CDH13: variants seen among roughly 807,000 people sequenced by gnomAD.
CDH13 encodes the protein cadherin-13.
In CDH13, 24 loss-of-function variants were observed where a neutral mutation model predicts 63.8. That is an observed-to-expected ratio of 0.38 (90% CI 0.27 to 0.53). The LOEUF (loss-of-function observed/expected upper bound fraction) is 0.53. CDH13 is among the 20% of genes least tolerant of loss of function. The pLI, the probability that CDH13 is intolerant of heterozygous loss-of-function variation, is 0.85. For missense variants in CDH13, 1,049 were observed against 903.1 expected, an observed-to-expected ratio of 1.16 and a Z score of -2.07; for synonymous variants, 503 against 355.3, an observed-to-expected ratio of 1.42 and a Z score of -4.67.
intron 7 of CDH13, among the ~76,000 whole-genome samples, chr16:83,547,728 C>G (rs1180683508): frequency 1.3e-5 from 2 of 152,136 alleles, no homozygotes; most frequent in African/African-American, 4.8e-5. Context: ...GCTTCCATGT[C>G]TTTGCTATAG....
At chr16:82,955,655 G>A (rs1019670007) in intron 2 of CDH13, among the ~76,000 whole-genome samples, 1 of 152,104 alleles carries the variant, frequency 6.6e-6, no homozygotes, top group Non-Finnish European at 1.5e-5. Flanking sequence ...ATACAGTGGG[G>A]GGACAAAAAC....
At position 83,586,063 on chromosome 16, in the gene CDH13, T is replaced by C. The variant is rs549796866; in HGVS notation, c.961-16391T>C. ...CAACTAAGGTAACCCACCTAAAGGG[T>C]TGAATACTATTTCCAACATGTAGTA... is the stretch of plus-strand genomic sequence containing the variant. On this transcript the variant is annotated intron_variant, in intron 7 of 13. Coordinates refer to ENST00000567109, the MANE Select transcript of CDH13 (RefSeq NM_001257.5). 7.2e-5 allele frequency among the ~76,000 whole-genome samples: 11 copies of C among 152,192 alleles called. No individual in the cohort carries two copies. In the South Asian group the frequency reaches 1.0e-3, roughly 14 times the overall value.
intron 5 of CDH13, among the ~76,000 whole-genome samples, chr16:83,284,202 C>A (rs944698425): frequency 6.6e-6 from 1 of 152,012 alleles, no homozygotes; most frequent in South Asian, 2.1e-4. Flanking sequence ...TGGTAAACAC[C>A]CTCTCTTTCG....
intron 1 of CDH13, among the ~76,000 whole-genome samples, chr16:82,845,323 C>G (rs559648947): frequency 6.6e-6 from 1 of 152,202 alleles, no homozygotes; most frequent in Non-Finnish European, 1.5e-5. Flanking sequence ...ATTAACTCCC[C>G]CTCCTTTCCC....
At chr16:83,024,878 T>G (rs1000129290) in intron 2 of CDH13, among the ~76,000 whole-genome samples, 1 of 152,184 alleles carries the variant, frequency 6.6e-6, no homozygotes, top group Non-Finnish European at 1.5e-5. Flanking sequence ...ACGTAGGGCT[T>G]CACCAAAACA....
intron 1 of CDH13, among the ~76,000 whole-genome samples, chr16:82,757,642 T>G (rs919797789): frequency 1.7e-4 from 16 of 96,932 alleles, no homozygotes; most frequent in Middle Eastern, 0.011. Flanking sequence ...CATAGCTTTT[T>G]TTTTGTTTTT....
At chr16:82,922,240 G>A (rs1452057803) in intron 2 of CDH13, among the ~76,000 whole-genome samples, 1 of 152,034 alleles carries the variant, frequency 6.6e-6, no homozygotes, top group African/African-American at 2.4e-5. Flanking sequence ...TTTCTCTGAT[G>A]CATTTGTACC....
chr16:83,154,863 G>A lies in CDH13; in HGVS notation c.483+29362G>A, dbSNP rs1449220940. Among the ~76,000 whole-genome samples, 3 of 152,112 alleles carry A rather than the reference G, an allele frequency of 2.0e-5. 1 individual carries two copies. Among genetic ancestry groups the A allele is most frequent in the Non-Finnish European group, 2.9e-5 (2 of 68,014 alleles). On this transcript the variant is annotated intron_variant, in intron 4 of 13. Transcript: ENST00000567109. ...TGATGTTATTTCAACCGGTTTTTCTGTAGCAAAAATCTTTAAAAGCTCTCA... is the reference window on the plus strand; with the variant it reads ...TGATGTTATTTCAACCGGTTTTTCTATAGCAAAAATCTTTAAAAGCTCTCA...
intron 3 of CDH13, among the ~76,000 whole-genome samples, chr16:83,040,537 T>A (rs949444435): frequency 1.3e-5 from 2 of 152,146 alleles, no homozygotes; most frequent in Admixed American, 6.5e-5. Flanking sequence ...CCAGGAAGCA[T>A]CCAACATGGG....
At chr16:83,085,458 A>C (rs1209054868) in intron 3 of CDH13, among the ~76,000 whole-genome samples, 1 of 152,150 alleles carries the variant, frequency 6.6e-6, no homozygotes, top group Admixed American at 6.5e-5. Flanking sequence ...ATGTCTAGCT[A>C]TCATGTCAGC....
intron 10 of CDH13, among the ~76,000 whole-genome samples, chr16:83,739,582 C>T (rs1325857631): frequency 6.6e-6 from 1 of 151,968 alleles, no homozygotes; most frequent in Non-Finnish European, 1.5e-5. Flanking sequence ...TAACTAAGCC[C>T]CCTTTGACAG....
At chr16:82,792,472 C>T (rs560942990) in intron 1 of CDH13, among the ~76,000 whole-genome samples, 109 of 152,288 alleles carry the variant, frequency 7.2e-4, no homozygotes, top group African/African-American at 2.5e-3. Context: ...TCCCAATACA[C>T]AATTCAGTAC....
At chr16:83,578,208 G>A (rs1341189678) in intron 7 of CDH13, among the ~76,000 whole-genome samples, 3 of 152,154 alleles carry the variant, frequency 2.0e-5, no homozygotes, top group Non-Finnish European at 4.4e-5. Context: ...TCGCTGGCTA[G>A]CCATTCCTGG....
chr16:82,755,694 A>T (rs1043188099), intron 1 of CDH13, among the ~76,000 whole-genome samples: 1 of 152,240 alleles, frequency 6.6e-6, no homozygotes, highest in Non-Finnish European at 1.5e-5. Flanking sequence ...AAAATCACTG[A>T]CGTCAAGGTC....
chr16:83,317,704 G>A (rs1468388829), intron 5 of CDH13, among the ~76,000 whole-genome samples: 2 of 151,998 alleles, frequency 1.3e-5, no homozygotes, highest in Non-Finnish European at 2.9e-5. Context: ...GGAGGCTGAG[G>A]CAGGAGAATC....
intron 1 of CDH13, among the ~76,000 whole-genome samples, chr16:82,852,344 A>G (rs759495573): frequency 6.6e-6 from 1 of 152,288 alleles, no homozygotes; most frequent in East Asian, 1.9e-4. Flanking sequence ...CGTTCCGTGG[A>G]TGTGTCTTGT....
chr16:83,192,755 T>C (rs964830279), intron 4 of CDH13, among the ~76,000 whole-genome samples: 2 of 152,150 alleles, frequency 1.3e-5, no homozygotes, highest in African/African-American at 4.8e-5. Flanking sequence ...ACAGACACTT[T>C]ATCTTGTGGT....
In CDH13 at chr16:82,694,546, C is replaced by T. The variant is rs111718972; in HGVS notation, c.45+67409C>T. ...TTATACTAAGACTATAAAACTGAAT[C>T]TCCCCTCCTTCCCTTCCTCCCAGGC... is the stretch of plus-strand genomic sequence containing the variant. On this transcript the variant is annotated intron_variant, in intron 1 of 13. Coordinates refer to ENST00000567109, the MANE Select transcript of CDH13 (RefSeq NM_001257.5). 3.9e-5 allele frequency among the ~76,000 whole-genome samples: 6 copies of T among 152,256 alleles called. No individual in the cohort carries two copies. In the East Asian group the frequency reaches 5.8e-4, roughly 15 times the overall value.
intron 2 of CDH13, among the ~76,000 whole-genome samples, chr16:82,970,787 C>T (rs1277291852): frequency 6.6e-6 from 1 of 152,100 alleles, no homozygotes; most frequent in Non-Finnish European, 1.5e-5. Flanking sequence ...TCTATTATTT[C>T]CCTATTAGAG....
Sources: allele counts gnomAD v4.1 joint callset (sites outside exome capture counted in the v4.1 genomes callset), GRCh38; gene constraint gnomAD v4.1.1; transcripts MANE v1.5; gene names NCBI Gene and HGNC (gene_info 2026-07-23, HGNC 2026-07-21).